OPRM1: variants seen among roughly 807,000 people sequenced by gnomAD.
OPRM1 encodes opioid receptor mu 1.
OPRM1 carries 27 observed loss-of-function variants against 31.8 expected under a neutral mutation model. The observed-to-expected ratio is 0.85, with a 90% CI of 0.63 to 1.17. OPRM1 has a LOEUF of 1.17. Among genes scored for constraint, OPRM1 ranks in the 50% most tolerant of loss-of-function variants. The probability of loss-of-function intolerance (pLI) is 0.00; values close to 1 mark genes in which losing one functional copy is unlikely to be tolerated. For synonymous variants in OPRM1, 196 were observed against 189.9 expected, an observed-to-expected ratio of 1.03 and a Z score of -0.26; for missense variants, 536 against 511.1, an observed-to-expected ratio of 1.05 and a Z score of -0.47.
At chr6:154,183,859 C>CA (rs1279358433) in intron 3 of OPRM1, among the ~76,000 whole-genome samples, 1 of 151,970 alleles carries the variant, frequency 6.6e-6, no homozygotes, top group Non-Finnish European at 1.5e-5. Context: ...CACTGCACTC[C>CA]AGCCTGGGTA....
chr6:154,100,070 T>C lies in OPRM1; in HGVS notation c.1164+8598T>C, dbSNP rs866200299. Among the ~76,000 whole-genome samples the C allele has an allele frequency of 1.2e-3, 161 of 131,090 alleles. 3 individuals carry two copies. Among genetic ancestry groups the C allele is most frequent in the African/African-American group, 3.9e-3 (135 of 34,562 alleles). The allele number at this position is 131,090 out of a possible 152,430, so 86.0% of individuals were successfully genotyped here. On this transcript the variant is annotated intron_variant, in intron 3 of 3. Transcript: ENST00000330432. The stretch of plus-strand genomic sequence containing the variant: ...ATATATCATATGATATATATCATGA[T>C]ATATATCATATTATATATTATCATA...
chr6:154,012,093 C>T (rs1318882223), intron 1 of OPRM1, among the ~76,000 whole-genome samples: 1 of 152,114 alleles, frequency 6.6e-6, no homozygotes, highest in African/African-American at 2.4e-5. Context: ...ATCATTGTTG[C>T]TTCAGCAAAA....
intron 1 of OPRM1, among the ~76,000 whole-genome samples, chr6:154,024,554 AT>A (rs1214868232): frequency 6.8e-6 from 1 of 147,778 alleles, no homozygotes; most frequent in Non-Finnish European, 1.5e-5. Flanking sequence ...TTCTGCCCTG[AT>A]TTTTATTATT....
At chr6:154,067,277 G>A (rs910573067) in intron 1 of OPRM1, among the ~76,000 whole-genome samples, 3 of 151,204 alleles carry the variant, frequency 2.0e-5, no homozygotes, top group Admixed American at 6.6e-5. Context: ...TTAAATTTAA[G>A]CATTTATACA....
rs1797871280 is a variant in OPRM1 at position 154,131,095 on chromosome 6, A to G, written c.*12374A>G. Reference sequence around the variant, plus strand: ...GTCACTTGTCATTACATTTTTTTATAACATTAATGACACATTTTTTGCTAT... The same window carrying G: ...GTCACTTGTCATTACATTTTTTTATGACATTAATGACACATTTTTTGCTAT... On this transcript the variant is annotated 3_prime_UTR_variant, in exon 4 of 4. Transcript: ENST00000330432. 6.6e-6 allele frequency among the ~76,000 whole-genome samples: 1 copy of G among 152,242 alleles called. No individual in the cohort carries two copies. The highest frequency in any genetic ancestry group is 2.4e-5 in the African/African-American group (1 of 41,470).
rs75909107 is a variant in OPRM1, at chr6:154,068,110, T to C, written c.291-21716T>C. On this transcript the variant is annotated intron_variant, in intron 1 of 3. Coordinates refer to ENST00000330432, the MANE Select transcript of OPRM1 (RefSeq NM_000914.5). ...TTTTACTTAATCCCATATATCTATA[T>C]TATCATTTCAACAAGTAATCGATGT... Among the ~76,000 whole-genome samples, 811 of 152,260 alleles carry C rather than the reference T, an allele frequency of 5.3e-3. 3 individuals carry two copies. The highest frequency in any genetic ancestry group is 0.018 in the African/African-American group (728 of 41,562).
At position 154,129,056 on chromosome 6, in the gene OPRM1, G is replaced by A. The variant is rs1186510142; in HGVS notation, c.*10335G>A. Among the ~76,000 whole-genome samples the A allele has an allele frequency of 1.3e-5, 2 of 152,142 alleles. No individual in the cohort carries two copies. The highest frequency in any genetic ancestry group is 1.9e-4 in the East Asian group (1 of 5,186). ...GACAAAACCTCTCAGACACCGAGTTGTAGAAGGAAGGGCTTTATTCAGCTG... is the reference window on the plus strand; with the variant it reads ...GACAAAACCTCTCAGACACCGAGTTATAGAAGGAAGGGCTTTATTCAGCTG... On this transcript the variant is annotated 3_prime_UTR_variant, in exon 4 of 4. Transcript: ENST00000330432.
Position 154,130,170 on chromosome 6 carries a change from CT to C in OPRM1, c.*11467del, listed in dbSNP as rs57493678. On this transcript the variant is annotated 3_prime_UTR_variant, in exon 4 of 4. Transcript: ENST00000330432. ...GATTTCATGGAAATGTTTAAATTTT[CT>C]TTTTTTTTTTTTTTTTTGATGGAGT... Among the ~76,000 whole-genome samples, 22,707 of 71,040 alleles carry C rather than the reference CT, an allele frequency of 0.32. 1,644 individuals are homozygous for C. The highest frequency in any genetic ancestry group is 0.42 in the Middle Eastern group (51 of 120). 46.6% of individuals were successfully genotyped at this position (71,040 alleles called of 152,430 possible). A position where few individuals can be genotyped will look rare whatever the true frequency, so the allele number is the denominator to read the frequency against.
At chr6:154,244,263 A>G (rs1032286223) in intron 3 of OPRM1, among the ~76,000 whole-genome samples, 5 of 151,472 alleles carry the variant, frequency 3.3e-5, no homozygotes, top group African/African-American at 1.2e-4. Context: ...TTTCCCTCAC[A>G]GTAAACATAT....
At chr6:154,135,284 C>T (rs1055277708), downstream of OPRM1, among the ~76,000 whole-genome samples, 2 of 152,148 alleles carry the variant, frequency 1.3e-5, no homozygotes, top group Non-Finnish European at 2.9e-5. Context: ...GCCTGGCCCA[C>T]ATGGCAACAC....
chr6:154,199,647 A>G (rs767262008), intron 3 of OPRM1: 6 of 1,563,808 alleles, frequency 3.8e-6, no homozygotes, highest in Non-Finnish European at 5.2e-6. Flanking sequence ...CTAACGAAGA[A>G]TAAATAATTT....
intron 3 of OPRM1, among the ~76,000 whole-genome samples, chr6:154,146,354 C>T (rs371166653): frequency 4.6e-5 from 7 of 152,134 alleles, no homozygotes; most frequent in African/African-American, 1.7e-4. Flanking sequence ...GAGCTGAGAT[C>T]GTGCCACTGC....
chr6:154,138,114 T>C (rs1798104515), intron 3 of OPRM1, among the ~76,000 whole-genome samples: 1 of 152,200 alleles, frequency 6.6e-6, no homozygotes, highest in South Asian at 2.1e-4. Flanking sequence ...CAAGTCACAC[T>C]GACCAGGTGT....
intron 1 of OPRM1, among the ~76,000 whole-genome samples, chr6:154,048,429 A>G (rs1160396962): frequency 6.6e-6 from 1 of 152,194 alleles, no homozygotes; most frequent in East Asian, 1.9e-4. Context: ...CCTGCAATAT[A>G]ACCCAAAATA....
At chr6:154,142,576 C>T (rs1243710958) in intron 3 of OPRM1, among the ~76,000 whole-genome samples, 1 of 152,098 alleles carries the variant, frequency 6.6e-6, no homozygotes, top group Non-Finnish European at 1.5e-5. Context: ...AGTAGTCGAC[C>T]AGAATATAAA....
rs1797529295 is a variant in OPRM1, at chr6:154,125,379, C to T, written c.*6658C>T. 6.6e-6 allele frequency among the ~76,000 whole-genome samples: 1 copy of T among 152,168 alleles called. No homozygotes were observed. The highest frequency in any genetic ancestry group is 2.4e-5 in the African/African-American group (1 of 41,450). On this transcript the variant is annotated 3_prime_UTR_variant, in exon 4 of 4. Coordinates refer to ENST00000330432, the MANE Select transcript of OPRM1 (RefSeq NM_000914.5). ...ACAACTGTGTACATAAAACCTAAACCTCTGAAGCAATAAACCTCTTCCATT... is the reference window on the plus strand; with the variant it reads ...ACAACTGTGTACATAAAACCTAAACTTCTGAAGCAATAAACCTCTTCCATT...
At chr6:154,189,966 C>T (rs951305318) in intron 3 of OPRM1, among the ~76,000 whole-genome samples, 2 of 151,582 alleles carry the variant, frequency 1.3e-5, no homozygotes, top group African/African-American at 2.4e-5. Context: ...AACATCACAC[C>T]GTACCACATT....
chr6:154,061,613 A>T (rs1214387787), intron 1 of OPRM1, among the ~76,000 whole-genome samples: 1 of 152,104 alleles, frequency 6.6e-6, no homozygotes, highest in Non-Finnish European at 1.5e-5. Context: ...AGTGAGAGCT[A>T]AACATTGAGT....
chr6:154,030,360 A>C (rs1238721291), intron 1 of OPRM1, among the ~76,000 whole-genome samples: 1 of 152,196 alleles, frequency 6.6e-6, no homozygotes, highest in Non-Finnish European at 1.5e-5. Flanking sequence ...TACCCAGAAA[A>C]ATTTTAAAGA....
Sources: gnomAD v4.1 joint callset for allele counts (sites outside exome capture counted in the v4.1 genomes callset) on GRCh38, gnomAD v4.1.1 for gene constraint, MANE v1.5 for transcripts, NCBI Gene and HGNC (gene_info 2026-07-23, HGNC 2026-07-21) for gene names.